NLRP14: variants seen among roughly 807,000 people sequenced by gnomAD.
NLRP14 encodes NLR family pyrin domain containing 14.
NLRP14 carries 105 observed loss-of-function variants against 94.7 expected under a neutral mutation model. The ratio of observed to expected loss-of-function variants is 1.11; its 90% CI spans 0.95 to 1.30. NLRP14 has a LOEUF of 1.30. Among genes scored for constraint, NLRP14 ranks in the 50% most tolerant of loss-of-function variants. The pLI is 0.00. For synonymous variants in NLRP14, 508 were observed against 459.9 expected (o/e 1.10, Z -1.34); for missense variants, 1,362 against 1,254.1 (o/e 1.09, Z -1.30).
intron 10 of NLRP14, among the ~76,000 whole-genome samples, chr11:7,064,517 AT>A (rs138948084): frequency 0.069 from 10,411 of 151,770 alleles, 528 homozygotes; most frequent in African/African-American, 0.13. Flanking sequence ...CATTCCAAAT[AT>A]TGTTGCTGCT....
chr11:7,070,547 A>ATGATACACAATTAGG, intron 11 of NLRP14, 91 bp downstream of exon 11: 1 of 801,560 alleles, frequency 1.2e-6, no homozygotes, highest in Non-Finnish European at 2.1e-6. Flanking sequence ...AATCCACCTA[A>ATGATACACAATTAGG]TTGTGTATCA....
rs1390117196 is a variant in NLRP14, at chr11:7,043,280, A to G, written c.1254A>G (p.Leu418=). ...CAGTAGATGGAGGCTCTCCTAGTCT[A>G]CCCAACCAAGCCCAGCTGAGAAGAC... ...FTPVDGGSPS[L]PNQAQLRRLC... Residue 418 remains leucine (L), a synonymous_variant, in exon 4 of 12, where the codon CTA becomes CTG. Transcript: ENST00000299481. 6.2e-7 allele frequency: 1 copy of G among 1,614,136 alleles called. No individual in the cohort carries two copies. Among genetic ancestry groups the G allele is most frequent in the East Asian group, 2.2e-5 (1 of 44,880 alleles).
intron 10 of NLRP14, among the ~76,000 whole-genome samples, chr11:7,064,943 A>G (rs763097538): frequency 2.8e-4 from 42 of 151,690 alleles, no homozygotes; most frequent in Admixed American, 3.3e-4. Flanking sequence ...TTTCCTTTCC[A>G]CTGACCTGTT....
the NLRP14 span, chr11:7,089,664 C>T: frequency 1.4e-6 from 2 of 1,453,246 alleles, no homozygotes; most frequent in Non-Finnish European, 1.8e-6. Flanking sequence ...CGGGAGGGCC[C>T]TGGCCGTGCG....
the NLRP14 span, among the ~76,000 whole-genome samples, chr11:7,083,143 A>G: frequency 6.6e-6 from 1 of 152,102 alleles, no homozygotes; most frequent in Admixed American, 6.5e-5. Context: ...CCCACTCCCT[A>G]TCCTGCTGAT....
chr11:7,029,550 C>A (rs1281659683), intron 1 of NLRP14, among the ~76,000 whole-genome samples: 2 of 152,164 alleles, frequency 1.3e-5, no homozygotes, highest in African/African-American at 4.8e-5. Context: ...CCTGTGGGCA[C>A]ACGTCCTTCC....
At chr11:7,037,355 C>T (rs1852175601) in intron 1 of NLRP14, among the ~76,000 whole-genome samples, 1 of 152,134 alleles carries the variant, frequency 6.6e-6, no homozygotes, top group Non-Finnish European at 1.5e-5. Context: ...GACAATTCAC[C>T]TTCTGTTTAA....
At chr11:7,090,105 A>G in the NLRP14 span, 3 of 1,611,870 alleles carry the variant, frequency 1.9e-6, no homozygotes, top group Non-Finnish European at 2.5e-6. Flanking sequence ...TTACAGCAGC[A>G]GTTATGGCCG....
chr11:7,042,414 A>G lies in NLRP14; in HGVS notation c.388A>G (p.Ile130Val), dbSNP rs755719533. ...TGATGGAACAGAATACAGAAATAGA[A>G]TAAAGGAAAAATTTTGCATCACTTG... ...LGDGTEYRNR[I>V]KEKFCITWDK... The change falls in exon 4 of 12, where the codon ATA becomes GTA. Residue 130 changes from isoleucine to valine, a missense_variant. Coordinates refer to ENST00000299481, the MANE Select transcript of NLRP14 (RefSeq NM_176822.4). 6.2e-7 allele frequency: 1 copy of G among 1,614,074 alleles called. No individual in the cohort carries two copies. The highest frequency in any genetic ancestry group is 8.5e-7 in the Non-Finnish European group (1 of 1,179,964).
At chr11:7,078,437 CAAAAAAAAA>C in the NLRP14 span, among the ~76,000 whole-genome samples, 105 of 15,366 alleles carry the variant, frequency 6.8e-3, 1 homozygote, top group African/African-American at 0.017. Flanking sequence ...GACTCTGTCT[CAAAAAAAAA>C]AAAAAAAAAA....
chr11:7,044,696 T>C (rs1382811264), intron 4 of NLRP14, among the ~76,000 whole-genome samples: 1 of 152,208 alleles, frequency 6.6e-6, no homozygotes, highest in African/African-American at 2.4e-5. Context: ...ATTTGAACTA[T>C]GGAATTCATT....
chr11:7,090,276 G>C, the NLRP14 span: 1 of 1,602,672 alleles, frequency 6.2e-7, no homozygotes, highest in South Asian at 1.1e-5. Flanking sequence ...CTTGGAGAGA[G>C]GAGGAGGCCG....
At chr11:7,035,025 C>T (rs936273469) in intron 1 of NLRP14, among the ~76,000 whole-genome samples, 3 of 152,070 alleles carry the variant, frequency 2.0e-5, no homozygotes, top group Non-Finnish European at 2.9e-5. Flanking sequence ...TGGCTCATGC[C>T]TGTCACCTGT....
the NLRP14 span, among the ~76,000 whole-genome samples, chr11:7,082,281 C>T: frequency 2.6e-3 from 401 of 152,080 alleles, 2 homozygotes; most frequent in African/African-American, 9.3e-3. Flanking sequence ...ATTTGACTAT[C>T]GATATTGGTA....
chr11:7,040,066 A>G (rs1852224761), intron 3 of NLRP14, among the ~76,000 whole-genome samples: 2 of 152,346 alleles, frequency 1.3e-5, no homozygotes, highest in South Asian at 4.1e-4. Context: ...TTATGGACTA[A>G]AAGTCACTGA....
Position 7,043,923 on chromosome 11 carries a change from C to G in NLRP14, c.1897C>G (p.Leu633Val). The G allele has an allele frequency of 6.2e-7, 1 of 1,614,146 alleles. No individual in the cohort carries two copies. Among genetic ancestry groups the G allele is most frequent in the Non-Finnish European group, 8.5e-7 (1 of 1,179,976 alleles). Residue 633 changes from leucine to valine, a missense_variant, in exon 4 of 12, where the codon CTG (leucine) becomes GTG (valine). Transcript: ENST00000299481. The stretch of plus-strand genomic sequence containing the variant: ...CTGCCGGTGTTTGCGGACCATCAGG[C>G]TGTCTGTAACTGTGGTATTTGAGAA... Reference protein sequence around the residue: ...KHCRCLRTIRLSVTVVFEKKI... With the variant: ...KHCRCLRTIRVSVTVVFEKKI...
chr11:7,081,463 GA>G, the NLRP14 span, among the ~76,000 whole-genome samples: 1 of 152,076 alleles, frequency 6.6e-6, no homozygotes, highest in African/African-American at 2.4e-5. Context: ...ACTGATAGTG[GA>G]AGAGTTCTTG....
intron 10 of NLRP14, among the ~76,000 whole-genome samples, chr11:7,064,580 C>A (rs1465096884): frequency 1.3e-5 from 2 of 152,146 alleles, no homozygotes; most frequent in Admixed American, 6.6e-5. Flanking sequence ...GCTAGAACTT[C>A]ACCTATTCTC....
At chr11:7,086,494 C>T in the NLRP14 span, among the ~76,000 whole-genome samples, 13 of 152,188 alleles carry the variant, frequency 8.5e-5, no homozygotes, top group African/African-American at 3.1e-4. Flanking sequence ...CAATCTTGTT[C>T]ATTTCTATTT....
Sources: gnomAD v4.1 joint callset for allele counts (sites outside exome capture counted in the v4.1 genomes callset) on GRCh38, gnomAD v4.1.1 for gene constraint, MANE v1.5 for transcripts, NCBI Gene and HGNC (gene_info 2026-07-23, HGNC 2026-07-21) for gene names.